Variants in IRAG2 observed in about 807,000 individuals in gnomAD.
IRAG2 encodes the protein lymphoid restricted membrane protein.
A neutral mutation model predicts 69.9 loss-of-function variants in IRAG2; 45 were observed. The ratio of observed to expected loss-of-function variants is 0.64; its 90% CI spans 0.51 to 0.83. The LOEUF (loss-of-function observed/expected upper bound fraction) is 0.83, where lower values mean the gene tolerates loss of function less well. IRAG2 is among the 40% of genes least tolerant of loss of function. The pLI is 0.00. For missense variants in IRAG2, 520 were observed against 587.0 expected, an observed-to-expected ratio of 0.89 and a Z score of 1.18; for synonymous variants, 193 against 202.4, an observed-to-expected ratio of 0.95 and a Z score of 0.40.
intron 10 of IRAG2, among the ~76,000 whole-genome samples, chr12:25,084,540 GGTGTGTGT>G (rs34550767): frequency 2.7e-5 from 4 of 147,332 alleles, no homozygotes; most frequent in East Asian, 2.0e-4. Flanking sequence ...TGCATGGAGG[GGTGTGTGT>G]GTGTGTGTGT....
intron 6 of IRAG2, among the ~76,000 whole-genome samples, chr12:25,071,332 A>C (rs10734737): frequency 0.8 from 121,181 of 152,028 alleles, 48,721 homozygotes; most frequent in East Asian, 0.99. Flanking sequence ...GGTAACAGGA[A>C]AAGACTCCAT....
In IRAG2 at chr12:25,083,456, A is replaced by G; in HGVS notation, c.278A>G (p.Gln93Arg). 6.2e-7 allele frequency: 1 copy of G among 1,612,214 alleles called. No homozygotes were observed. Among genetic ancestry groups the G allele is most frequent in the Admixed American group, 1.7e-5 (1 of 59,996 alleles). The part of the protein sequence containing the change: ...TSPAHDNIAF[Q>R]DSTSKDKTIL... Reference sequence around the variant, plus strand: ...CCAGCTCATGATAATATTGCATTCCAAGACTCTACGAGTAAGGATAAAACC... The same window carrying G: ...CCAGCTCATGATAATATTGCATTCCGAGACTCTACGAGTAAGGATAAAACC... Residue 93 changes from glutamine (Q) to arginine (R), a missense_variant, in exon 10 of 22, where the codon CAA (glutamine) becomes CGA (arginine). Physicochemically the swap from Gln to Arg is conservative, Grantham distance 43. Transcript: ENST00000556887.
In IRAG2 at chr12:25,021,670, T is replaced by C. The variant is rs564716504; in HGVS notation, c.1332+763T>C. 2.9e-4 allele frequency among the ~76,000 whole-genome samples: 44 copies of C among 152,344 alleles called. 1 individual carries two copies. Among genetic ancestry groups the C allele is most frequent in the African/African-American group, 1.0e-3 (43 of 41,584 alleles). On this transcript the variant is annotated intron_variant, in intron 7 of 38. Coordinates refer to the IRAG2 transcript ENST00000636465. ...TCAAAATCCTGATAGATGCCAGCAGTACTCTAGTATCATTAACTATGGTAA... is the reference window on the plus strand; with the variant it reads ...TCAAAATCCTGATAGATGCCAGCAGCACTCTAGTATCATTAACTATGGTAA...
At chr12:25,021,840 C>T (rs1398806204) in intron 7 of IRAG2, among the ~76,000 whole-genome samples, 4 of 152,192 alleles carry the variant, frequency 2.6e-5, no homozygotes, top group African/African-American at 9.7e-5. Context: ...CTTTGTTTAG[C>T]TTAGCTCTTG....
intron 9 of IRAG2, among the ~76,000 whole-genome samples, chr12:25,080,350 T>C (rs886717325): frequency 7.0e-6 from 1 of 142,616 alleles, no homozygotes; most frequent in Non-Finnish European, 1.5e-5. Context: ...TTCTTTTTCT[T>C]TTATCTTTTT....
At chr12:25,036,275 A>G (rs1565531280) in intron 14 of IRAG2, among the ~76,000 whole-genome samples, 1 of 152,192 alleles carries the variant, frequency 6.6e-6, no homozygotes, top group Non-Finnish European at 1.5e-5. Flanking sequence ...TACATTTTGT[A>G]CATTTTGGTA....
At chr12:25,039,607 T>C (rs2139858453) in intron 16 of IRAG2, among the ~76,000 whole-genome samples, 1 of 152,260 alleles carries the variant, frequency 6.6e-6, no homozygotes, top group Non-Finnish European at 1.5e-5. Context: ...ATTTTTTGTA[T>C]TTTTAGTAGA....
chr12:25,061,572 G>A lies in IRAG2; in HGVS notation c.-446-20G>A. Reference sequence around the variant, plus strand: ...AAATTAAAATGGTCATATTGAGCTGGTTATAAATTCTCTTTGTAGCAACAA... The same window carrying A: ...AAATTAAAATGGTCATATTGAGCTGATTATAAATTCTCTTTGTAGCAACAA... On this transcript the variant is annotated intron_variant, in intron 1 of 21. Coordinates refer to ENST00000556887, the MANE Select transcript of IRAG2 (RefSeq NM_001366544.2). The A allele has an allele frequency of 2.5e-6, 1 of 398,512 alleles. No homozygotes were observed. Among genetic ancestry groups the A allele is most frequent in the East Asian group, 3.6e-5 (1 of 28,066 alleles). 24.7% of individuals were successfully genotyped at this position (398,512 alleles called of 1,614,324 possible).
At chr12:25,007,261 G>A (rs1338904622) in intron 2 of IRAG2, among the ~76,000 whole-genome samples, 3 of 152,080 alleles carry the variant, frequency 2.0e-5, no homozygotes, top group African/African-American at 7.2e-5. Context: ...ATTTCTAAAA[G>A]ATAATTGACT....
chr12:25,048,495 C>T (rs1024963308), upstream of IRAG2, among the ~76,000 whole-genome samples: 1 of 152,052 alleles, frequency 6.6e-6, no homozygotes, highest in African/African-American at 2.4e-5. Context: ...TGGGCTTTCA[C>T]CACGTTGGCC....
In IRAG2 at chr12:25,083,441, A is replaced by C; in HGVS notation, c.263A>C (p.Asp88Ala). 1 of 1,612,010 alleles carries C rather than the reference A, an allele frequency of 6.2e-7. No homozygotes were observed. Among genetic ancestry groups the C allele is most frequent in the East Asian group, 2.2e-5 (1 of 44,856 alleles). ...CTCACAGGCACAAGTCCAGCTCATG[A>C]TAATATTGCATTCCAAGACTCTACG... ...IEAQGTSPAHDNIAFQDSTSK... is the reference protein window; with the variant it reads ...IEAQGTSPAHANIAFQDSTSK... The change falls in exon 10 of 22, where the codon GAT becomes GCT. Residue 88 changes from aspartate (D) to alanine (A), a missense_variant. By Grantham distance (126) the Asp-to-Ala change is moderately radical (BLOSUM62 -2). Transcript: ENST00000556887.
chr12:25,082,532 G>A (rs1199324920), intron 9 of IRAG2, among the ~76,000 whole-genome samples: 22 of 151,736 alleles, frequency 1.4e-4, no homozygotes, highest in African/African-American at 3.9e-4. Flanking sequence ...CCTGGGAGGC[G>A]GAGGTTGCAG....
At chr12:25,092,108 T>G (rs1438367586) in intron 14 of IRAG2, among the ~76,000 whole-genome samples, 6 of 151,344 alleles carry the variant, frequency 4.0e-5, no homozygotes, top group African/African-American at 1.5e-4. Flanking sequence ...CTACTACAAA[T>G]ACAAAAATTA....
At chr12:25,048,699 C>T (rs1944817601), upstream of IRAG2, among the ~76,000 whole-genome samples, 1 of 152,124 alleles carries the variant, frequency 6.6e-6, no homozygotes, top group African/African-American at 2.4e-5. Flanking sequence ...AAATGTTCTC[C>T]CATTCTCTAG....
chr12:25,030,344 G>T, intron 10 of IRAG2: 1 of 1,230,464 alleles, frequency 8.1e-7, no homozygotes, highest in South Asian at 4.1e-5. Context: ...GGTTGGTATT[G>T]TTCCTTACCA....
chr12:25,036,767 C>T, intron 15 of IRAG2: 1 of 396,956 alleles, frequency 2.5e-6, no homozygotes, highest in Non-Finnish European at 4.4e-6. Flanking sequence ...AGTACCATTT[C>T]TAAGACTTTA....
chr12:25,096,751 A>G (rs1218017022), intron 14 of IRAG2, 159 bp from the exon 15 acceptor site: 4 of 546,702 alleles, frequency 7.3e-6, no homozygotes, highest in Non-Finnish European at 1.3e-5. Flanking sequence ...AGATAATAAT[A>G]TATCAGTATC....
At chr12:25,065,303 C>T (rs1409890084) in intron 4 of IRAG2, among the ~76,000 whole-genome samples, 1 of 152,220 alleles carries the variant, frequency 6.6e-6, no homozygotes, top group Non-Finnish European at 1.5e-5. Context: ...AACTGAGGCT[C>T]AGAGTGGCTT....
intron 3 of IRAG2, chr12:25,011,591 T>G: frequency 8.6e-7 from 1 of 1,156,734 alleles, no homozygotes; most frequent in Non-Finnish European, 1.1e-6. Flanking sequence ...AAGGTTCTAT[T>G]TTAACAACTG....
Sources: allele counts gnomAD v4.1 joint callset (sites outside exome capture counted in the v4.1 genomes callset), GRCh38; gene constraint gnomAD v4.1.1; transcripts MANE v1.5; gene names NCBI Gene and HGNC (gene_info 2026-07-23, HGNC 2026-07-21).